UVSSA: variants seen among roughly 807,000 people sequenced by gnomAD.
UVSSA encodes the protein UV stimulated scaffold protein A.
In UVSSA, 72 loss-of-function variants were observed where a neutral mutation model predicts 73.9. That is an observed-to-expected ratio of 0.97 (90% CI 0.81 to 1.19). The LOEUF (loss-of-function observed/expected upper bound fraction) is 1.19, where lower values mean the gene tolerates loss of function less well. UVSSA is among the 50% of genes most tolerant of loss of function. The pLI, the probability that UVSSA is intolerant of heterozygous loss-of-function variation, is 0.00. For missense variants in UVSSA, 1,150 were observed against 965.0 expected (o/e 1.19, Z -2.54); for synonymous variants, 454 against 391.3 (o/e 1.16, Z -1.89).
In UVSSA at chr4:1,347,276, CGGTCCCCGGG is replaced by C. The variant is rs1713830712; in HGVS notation, c.-485_-476del. ...CTGCCGGGCGGGGGTCGCGCCGGTT[CGGTCCCCGGG>C]GCTCTGCGGGCGCCGGGCAGAGACC... On this transcript the variant is annotated 5_prime_UTR_variant, in exon 1 of 14. Coordinates refer to ENST00000389851, the MANE Select transcript of UVSSA (RefSeq NM_020894.4). 2 of 143,998 alleles carry C rather than the reference CGGTCCCCGGG, an allele frequency of 1.4e-5. No homozygotes were observed. The highest frequency in any genetic ancestry group is 3.2e-5 in the Non-Finnish European group (2 of 62,954). 8.9% of individuals were successfully genotyped at this position (143,998 alleles called of 1,614,324 possible). A position where few individuals can be genotyped will look rare whatever the true frequency, so the allele number is the denominator to read the frequency against.
chr4:1,346,603 A>C (rs1713714775), upstream of UVSSA, among the ~76,000 whole-genome samples: 1 of 152,070 alleles, frequency 6.6e-6, no homozygotes, highest in South Asian at 2.1e-4. Context: ...CCGCCCAGGG[A>C]TTCCCTTCCC....
chr4:1,354,909 G>T lies in UVSSA; in HGVS notation c.1047+62G>T, dbSNP rs911396652. 4.5e-5 allele frequency: 65 copies of T among 1,454,198 alleles called. No individual in the cohort carries two copies. In the African/African-American group the frequency reaches 7.9e-4, roughly 18 times the overall value. The allele number at this position is 1,454,198 out of a possible 1,614,324, so 90.1% of individuals were successfully genotyped here. A position where few individuals can be genotyped will look rare whatever the true frequency, so the allele number is the denominator to read the frequency against. On this transcript the variant is annotated intron_variant, in intron 6 of 13. Coordinates refer to ENST00000389851, the MANE Select transcript of UVSSA (RefSeq NM_020894.4). ...GTGTGCAGAGTGCCATGCATGGGGG[G>T]GGTCCCTTTCTTGGGGGGACTGTGG... is the stretch of plus-strand genomic sequence containing the variant.
intron 10 of UVSSA, among the ~76,000 whole-genome samples, chr4:1,378,445 C>T (rs574639654): frequency 6.4e-4 from 97 of 152,222 alleles, no homozygotes; most frequent in African/African-American, 2.2e-3. Context: ...CCCAGCTACT[C>T]GAGACTGAGG....
At chr4:1,380,595 T>G in intron 11 of UVSSA, 3 of 1,443,538 alleles carry the variant, frequency 2.1e-6, no homozygotes, top group Non-Finnish European at 2.8e-6. Flanking sequence ...CAGCTGGGCA[T>G]GGTGCAGGGG....
intron 12 of UVSSA, among the ~76,000 whole-genome samples, chr4:1,382,178 C>A (rs541807853): frequency 6.6e-6 from 1 of 152,356 alleles, no homozygotes; most frequent in African/African-American, 2.4e-5. Context: ...GGCGGGAGGG[C>A]CCTGACCTGC....
chr4:1,372,678 G>A (rs1418481046), intron 8 of UVSSA, among the ~76,000 whole-genome samples: 6 of 137,420 alleles, frequency 4.4e-5, no homozygotes, highest in Admixed American at 1.5e-4. Context: ...TTCCTCCCGC[G>A]TCTCAGGGCA....
chr4:1,370,359 C>T (rs1292344873), intron 8 of UVSSA, among the ~76,000 whole-genome samples: 3 of 152,190 alleles, frequency 2.0e-5, no homozygotes, highest in Non-Finnish European at 4.4e-5. Context: ...GAGCAACACC[C>T]GGGACACGGC....
chr4:1,382,556 C>T (rs1269581763), intron 12 of UVSSA, among the ~76,000 whole-genome samples: 8 of 152,204 alleles, frequency 5.3e-5, no homozygotes, highest in Non-Finnish European at 8.8e-5. Context: ...CTGAGACGCT[C>T]GCTCCATCTC....
chr4:1,380,008 C>T, intron 10 of UVSSA, 39 bp from the exon 11 acceptor site: 1 of 1,556,920 alleles, frequency 6.4e-7, no homozygotes, highest in Non-Finnish European at 8.7e-7. Context: ...CTTCTGGGGT[C>T]CCTGCAGATG....
At chr4:1,388,664 CAT>C (rs1720325211), downstream of UVSSA, 1 of 152,210 alleles carries the variant, frequency 6.6e-6, no homozygotes, top group Non-Finnish European at 1.5e-5. Flanking sequence ...GTGTTTTTGT[CAT>C]AAAGTATTGA....
intron 9 of UVSSA, 132 bp downstream of exon 9, chr4:1,375,640 C>T: frequency 7.2e-7 from 1 of 1,398,178 alleles, no homozygotes; most frequent in Non-Finnish European, 9.5e-7. Context: ...TGGGTGTGTA[C>T]CCCCGGCCGG....
In UVSSA at chr4:1,362,051, C is replaced by T. The variant is rs1037116175; in HGVS notation, c.1177-4269C>T. Among the ~76,000 whole-genome samples the T allele has an allele frequency of 3.3e-5, 5 of 152,310 alleles. No individual in the cohort carries two copies. The East Asian group carries it at 5.8e-4, about 18-fold the overall frequency. The stretch of plus-strand genomic sequence containing the variant: ...TTCACACGGCCTCTCCTCTTCCTTT[C>T]CTTCTCAAATAATTAGTAACCTCGC... On this transcript the variant is annotated intron_variant, in intron 7 of 13. Transcript: ENST00000389851.
At chr4:1,383,166 T>C (rs895514647) in intron 12 of UVSSA, among the ~76,000 whole-genome samples, 2 of 152,164 alleles carry the variant, frequency 1.3e-5, no homozygotes, top group Admixed American at 6.5e-5. Flanking sequence ...ATGCACGGCT[T>C]GCTTGGGAAG....
At position 1,380,091 on chromosome 4, in the gene UVSSA, A is replaced by C. The variant is rs774679679; in HGVS notation, c.1613A>C (p.Glu538Ala). ...HRFWKPSEVE[E>A]EVVNADISEM... ...TTCTGGAAGCCCAGCGAGGTGGAGG[A>C]GGAAGTGGTCAATGCCGACATCTCC... The change falls in exon 11 of 14, where the codon GAG becomes GCG. Residue 538 changes from glutamate to alanine, a missense_variant. Coordinates refer to ENST00000389851, the MANE Select transcript of UVSSA (RefSeq NM_020894.4). 16 of 1,612,044 alleles carry C rather than the reference A, an allele frequency of 9.9e-6. No homozygotes were observed. In the Admixed American group the frequency reaches 1.2e-4, roughly 12 times the overall value.
intron 7 of UVSSA, among the ~76,000 whole-genome samples, chr4:1,361,800 G>A (rs990358599): frequency 2.6e-5 from 4 of 151,808 alleles, no homozygotes; most frequent in African/African-American, 7.3e-5. Context: ...CCATCAAGGC[G>A]CTGAAAGACA....
chr4:1,376,538 C>G (rs1012570582), intron 10 of UVSSA, among the ~76,000 whole-genome samples: 3 of 152,278 alleles, frequency 2.0e-5, no homozygotes, highest in East Asian at 3.9e-4. Context: ...GCTTCCTGAC[C>G]GTGTTGCAGC....
Position 1,366,404 on chromosome 4 carries a change from A to G in UVSSA, c.1261A>G (p.Ile421Val), listed in dbSNP as rs2109201430. 1 of 1,612,760 alleles carries G rather than the reference A, an allele frequency of 6.2e-7. No individual in the cohort carries two copies. The highest frequency in any genetic ancestry group is 8.5e-7 in the Non-Finnish European group (1 of 1,179,402). The change falls in exon 8 of 14, where the codon ATC becomes GTC. Residue 421 changes from isoleucine to valine, a missense_variant. By Grantham distance (29) the Ile-to-Val change is conservative. Coordinates refer to ENST00000389851, the MANE Select transcript of UVSSA (RefSeq NM_020894.4). ...VPEKEGYEPH[I>V]PDHLRPEYGL... is the part of the protein sequence containing the mutation. ...TGAGAAGGAGGGGTATGAGCCACAC[A>G]TCCCCGACCACTTGCGGCCTGAGTA...
At chr4:1,389,818 C>G (rs193178580), downstream of UVSSA, 2 of 152,174 alleles carry the variant, frequency 1.3e-5, no homozygotes, top group Non-Finnish European at 2.9e-5. Flanking sequence ...AGCCAATGCT[C>G]CCAGCCTATT....
intron 7 of UVSSA, among the ~76,000 whole-genome samples, chr4:1,364,330 A>G (rs1335899149): frequency 1.4e-5 from 2 of 142,278 alleles, no homozygotes; most frequent in East Asian, 2.1e-4. Context: ...CGTGGGGGCC[A>G]CCTCCCCGCA....
Sources: allele counts gnomAD v4.1 joint callset (sites outside exome capture counted in the v4.1 genomes callset), GRCh38; gene constraint gnomAD v4.1.1; transcripts MANE v1.5; gene names NCBI Gene and HGNC (gene_info 2026-07-23, HGNC 2026-07-21).